GABBR2: variants seen among roughly 807,000 people sequenced by gnomAD.
GABBR2 encodes gamma-aminobutyric acid type B receptor subunit 2, also known as G-protein coupled receptor 51.
In GABBR2, 23 loss-of-function variants were observed where a neutral mutation model predicts 105.6. That is an observed-to-expected ratio of 0.22 (90% CI 0.16 to 0.31). The LOEUF (loss-of-function observed/expected upper bound fraction) is 0.31. Ranked by LOEUF, GABBR2 falls within the 10% of genes least tolerant of loss-of-function variation. The pLI is 1.00. For synonymous variants in GABBR2, 478 were observed against 499.7 expected (o/e 0.96, Z 0.58); for missense variants, 734 against 1,245.5 (o/e 0.59, Z 6.18).
At chr9:98,506,558 G>A (rs1014388119) in intron 3 of GABBR2, among the ~76,000 whole-genome samples, 1 of 152,206 alleles carries the variant, frequency 6.6e-6, no homozygotes, top group African/African-American at 2.4e-5. Flanking sequence ...CAGACACAGG[G>A]GTGAGTCCCA....
intron 13 of GABBR2, among the ~76,000 whole-genome samples, chr9:98,348,009 C>T (rs57642216): frequency 6.6e-6 from 1 of 152,186 alleles, no homozygotes; most frequent in African/African-American, 2.4e-5. Flanking sequence ...TTTCCTTCCA[C>T]CATGATTGTG....
At chr9:98,600,457 C>T (rs1829312868) in intron 1 of GABBR2, among the ~76,000 whole-genome samples, 3 of 152,176 alleles carry the variant, frequency 2.0e-5, no homozygotes, top group Admixed American at 2.0e-4. Flanking sequence ...GCCATCTTCC[C>T]CTAAAATGTG....
rs775903798 is a variant in GABBR2, at chr9:98,293,734, G to A, written c.2660+51C>T. 3.0e-6 allele frequency: 3 copies of A among 1,006,940 alleles called. No individual in the cohort carries two copies. In the South Asian group the frequency reaches 4.1e-5, roughly 14 times the overall value. 62.4% of individuals were successfully genotyped at this position (1,006,940 alleles called of 1,614,324 possible). ...CGTGCAAATTGCAAACTCTTGTGCA[G>A]GAGTGACGTATTTCTTCTTCAGTTA... On this transcript the variant is annotated intron_variant, in intron 18 of 18. Coordinates refer to ENST00000259455, the MANE Select transcript of GABBR2 (RefSeq NM_005458.8).
At chr9:98,466,361 A>G (rs754728955) in intron 6 of GABBR2, among the ~76,000 whole-genome samples, 2 of 152,374 alleles carry the variant, frequency 1.3e-5, no homozygotes, top group Middle Eastern at 6.8e-3. Context: ...TAACACATAA[A>G]GGCAGTTTCT....
At chr9:98,693,311 G>A (rs899319869) in intron 1 of GABBR2, among the ~76,000 whole-genome samples, 34 of 147,364 alleles carry the variant, frequency 2.3e-4, no homozygotes, top group African/African-American at 7.8e-4. Context: ...CCCGGGCATT[G>A]AGCAGTTTCC....
At chr9:98,449,024 C>G (rs75828415) in intron 7 of GABBR2, among the ~76,000 whole-genome samples, 1 of 152,066 alleles carries the variant, frequency 6.6e-6, no homozygotes, top group East Asian at 1.9e-4. Context: ...GGTCTCCTGA[C>G]GATGAATTTA....
chr9:98,473,661 A>C (rs924678674), intron 5 of GABBR2, among the ~76,000 whole-genome samples: 3 of 152,226 alleles, frequency 2.0e-5, no homozygotes, highest in Non-Finnish European at 4.4e-5. Context: ...CATTAGCTGC[A>C]AATTTCACCA....
At chr9:98,439,143 T>G (rs1049364965) in intron 7 of GABBR2, among the ~76,000 whole-genome samples, 1 of 152,152 alleles carries the variant, frequency 6.6e-6, no homozygotes, top group Non-Finnish European at 1.5e-5. Context: ...CTACCTTAAA[T>G]GCTGGTTATA....
chr9:98,486,029 T>C (rs1179100655), intron 4 of GABBR2, among the ~76,000 whole-genome samples: 1 of 152,196 alleles, frequency 6.6e-6, no homozygotes, highest in African/African-American at 2.4e-5. Flanking sequence ...CAGGCTAAAC[T>C]GGTATCCATC....
chr9:98,379,576 C>T (rs1033947182), intron 11 of GABBR2, among the ~76,000 whole-genome samples: 5 of 152,218 alleles, frequency 3.3e-5, no homozygotes, highest in Admixed American at 2.0e-4. Flanking sequence ...GCCTCCCAGC[C>T]TCTTTATCCC....
intron 2 of GABBR2, among the ~76,000 whole-genome samples, chr9:98,566,176 C>G (rs1044852665): frequency 6.6e-6 from 1 of 152,174 alleles, no homozygotes; most frequent in African/African-American, 2.4e-5. Context: ...TACTCACAGT[C>G]CTACTTCCTG....
chr9:98,656,861 G>C (rs1454451897), intron 1 of GABBR2, among the ~76,000 whole-genome samples: 2 of 152,194 alleles, frequency 1.3e-5, no homozygotes, highest in Non-Finnish European at 2.9e-5. Context: ...AGACAAGAAG[G>C]GGTCAGCAGC....
At chr9:98,393,264 C>T (rs1034682867) in intron 9 of GABBR2, among the ~76,000 whole-genome samples, 5 of 150,714 alleles carry the variant, frequency 3.3e-5, no homozygotes, top group Admixed American at 3.3e-4. Context: ...TCCATCTATC[C>T]ACTCACCCAC....
chr9:98,571,756 A>G (rs765246741), intron 2 of GABBR2, among the ~76,000 whole-genome samples: 1 of 152,132 alleles, frequency 6.6e-6, no homozygotes, highest in Non-Finnish European at 1.5e-5. Context: ...ACCTTGGCCC[A>G]CAGGGAACTC....
chr9:98,346,841 T>C (rs931282368), intron 13 of GABBR2, among the ~76,000 whole-genome samples: 3 of 152,352 alleles, frequency 2.0e-5, no homozygotes. Flanking sequence ...TTTATCTTTC[T>C]GTGCCTGACT....
chr9:98,362,600 T>G (rs1020660261), intron 13 of GABBR2, 115 bp downstream of exon 13: 4 of 743,990 alleles, frequency 5.4e-6, no homozygotes, highest in Non-Finnish European at 5.9e-6. Context: ...GAAATGGAAC[T>G]GATGAAGTGT....
chr9:98,410,270 T>C (rs1054439495), intron 7 of GABBR2, among the ~76,000 whole-genome samples: 1 of 152,104 alleles, frequency 6.6e-6, no homozygotes, highest in Non-Finnish European at 1.5e-5. Context: ...TTGAGACCAA[T>C]CCAGGTGATG....
At chr9:98,605,230 C>T (rs1254115562) in intron 1 of GABBR2, among the ~76,000 whole-genome samples, 1 of 152,242 alleles carries the variant, frequency 6.6e-6, no homozygotes, top group Non-Finnish European at 1.5e-5. Context: ...TCCAACTGCA[C>T]CTGCCCTGCC....
intron 1 of GABBR2, among the ~76,000 whole-genome samples, chr9:98,620,526 T>G (rs1212460117): frequency 6.6e-6 from 1 of 152,124 alleles, no homozygotes; most frequent in African/African-American, 2.4e-5. Context: ...TTACATTTGG[T>G]TGTCAATGTC....
Sources: allele counts gnomAD v4.1 joint callset (sites outside exome capture counted in the v4.1 genomes callset), GRCh38; gene constraint gnomAD v4.1.1; transcripts MANE v1.5; gene names NCBI Gene and HGNC (gene_info 2026-07-23, HGNC 2026-07-21).